The following EDIL3 variants were observed in gnomAD, a reference collection of about 807,000 sequenced individuals.
EDIL3 encodes the protein EGF like and discoidin domains 3.
Under a neutral mutation model 67.4 loss-of-function variants are expected in EDIL3, and 37 were observed. That is an observed-to-expected ratio of 0.55 (90% confidence interval 0.42 to 0.72). The LOEUF (loss-of-function observed/expected upper bound fraction) is 0.72, where lower values mean the gene tolerates loss of function less well. Among genes scored for constraint, EDIL3 ranks in the 30% least tolerant of loss-of-function variants. EDIL3 has a pLI of 0.00. For missense variants in EDIL3, 527 were observed against 586.3 expected (o/e 0.90, Z 1.04); for synonymous variants, 195 against 196.3 (o/e 0.99, Z 0.05).
At chr5:84,106,460 C>G (rs1322864823) in intron 6 of EDIL3, among the ~76,000 whole-genome samples, 189 bp downstream of exon 6, 1 of 152,052 alleles carries the variant, frequency 6.6e-6, no homozygotes, top group Non-Finnish European at 1.5e-5. Context: ...CTTTAACTAA[C>G]TTCTTAATGG....
chr5:83,986,600 G>A (rs1436998205), intron 9 of EDIL3, among the ~76,000 whole-genome samples: 2 of 152,032 alleles, frequency 1.3e-5, no homozygotes, highest in Non-Finnish European at 2.9e-5. Context: ...TAGGCACTCG[G>A]GTTACTAAAA....
chr5:84,073,500 C>T (rs2112248664), intron 6 of EDIL3, among the ~76,000 whole-genome samples: 1 of 152,274 alleles, frequency 6.6e-6, no homozygotes, highest in Non-Finnish European at 1.5e-5. Flanking sequence ...TCGGCAAAGT[C>T]TCAGGATACA....
At chr5:84,279,805 T>C (rs1395225573) in intron 1 of EDIL3, among the ~76,000 whole-genome samples, 1 of 152,158 alleles carries the variant, frequency 6.6e-6, no homozygotes, top group Non-Finnish European at 1.5e-5. Flanking sequence ...CATTCCAAAA[T>C]TGTTTGATCA....
At chr5:83,953,812 C>G (rs976213690) in intron 10 of EDIL3, among the ~76,000 whole-genome samples, 1 of 151,748 alleles carries the variant, frequency 6.6e-6, no homozygotes, top group Admixed American at 6.6e-5. Flanking sequence ...AATGTGTTGC[C>G]TCTGTAATAA....
At chr5:83,967,123 C>A (rs917494413) in intron 9 of EDIL3, among the ~76,000 whole-genome samples, 2 of 152,008 alleles carry the variant, frequency 1.3e-5, no homozygotes, top group African/African-American at 2.4e-5. Context: ...GAGTTCAAGA[C>A]CAGCCTGGGC....
chr5:84,220,730 T>C (rs1451906885), intron 3 of EDIL3, among the ~76,000 whole-genome samples: 1 of 152,138 alleles, frequency 6.6e-6, no homozygotes, highest in African/African-American at 2.4e-5. Flanking sequence ...AATCTCATAC[T>C]CCATGGGACA....
At chr5:84,160,813 T>TCCTTTCCTTTC (rs1561449448) in intron 4 of EDIL3, among the ~76,000 whole-genome samples, 2 of 134,136 alleles carry the variant, frequency 1.5e-5, no homozygotes, top group East Asian at 2.0e-4. Flanking sequence ...TCCTTTCCTT[T>TCCTTTCCTTTC]CCTTTCCCTT....
intron 9 of EDIL3, among the ~76,000 whole-genome samples, chr5:83,974,331 G>A (rs910343675): frequency 1.3e-5 from 2 of 151,756 alleles, no homozygotes; most frequent in Admixed American, 6.6e-5. Flanking sequence ...AACGTTAGCA[G>A]TCGAAAAACA....
chr5:84,005,615 A>G (rs1745398723), intron 9 of EDIL3, among the ~76,000 whole-genome samples: 1 of 152,164 alleles, frequency 6.6e-6, no homozygotes, highest in African/African-American at 2.4e-5. Flanking sequence ...GGTTTGATAA[A>G]ATTCAGCATC....
chr5:84,024,600 C>A (rs933602118), intron 9 of EDIL3, among the ~76,000 whole-genome samples: 1 of 152,104 alleles, frequency 6.6e-6, no homozygotes, highest in African/African-American at 2.4e-5. Flanking sequence ...GGAGAAAGGG[C>A]ACTGACAAGG....
At chr5:84,211,436 C>A (rs542466117) in intron 3 of EDIL3, among the ~76,000 whole-genome samples, 7 of 152,232 alleles carry the variant, frequency 4.6e-5, no homozygotes, top group Admixed American at 2.0e-4. Flanking sequence ...GCCAAATAAA[C>A]CTCTTTATAA....
chr5:84,284,051 T>C (rs933077264), intron 1 of EDIL3, among the ~76,000 whole-genome samples: 1 of 152,030 alleles, frequency 6.6e-6, no homozygotes, highest in African/African-American at 2.4e-5. Context: ...CTCAACACCA[T>C]CATCGCACCT....
chr5:84,296,940 T>C (rs1473528990), intron 1 of EDIL3, among the ~76,000 whole-genome samples: 1 of 152,062 alleles, frequency 6.6e-6, no homozygotes, highest in Non-Finnish European at 1.5e-5. Context: ...CCCAGCACTT[T>C]GGGAGGCTGA....
At chr5:84,041,748 C>G (rs1165941374) in intron 9 of EDIL3, among the ~76,000 whole-genome samples, 1 of 150,656 alleles carries the variant, frequency 6.6e-6, no homozygotes, top group Non-Finnish European at 1.5e-5. Context: ...GTCTAAAGGA[C>G]TTTGGATTCA....
intron 1 of EDIL3, among the ~76,000 whole-genome samples, chr5:84,363,477 A>C (rs910825732): frequency 2.0e-5 from 3 of 152,086 alleles, no homozygotes; most frequent in Non-Finnish European, 2.9e-5. Flanking sequence ...TAATTCAAAA[A>C]TAAGTTATAG....
intron 1 of EDIL3, among the ~76,000 whole-genome samples, chr5:84,309,613 G>C (rs1439902558): frequency 6.6e-6 from 1 of 151,704 alleles, no homozygotes; most frequent in South Asian, 2.1e-4. Context: ...TTGTCCTTGC[G>C]ATAGTTTACT....
Position 84,247,611 on chromosome 5 carries a change from G to A in EDIL3, c.196+6473C>T, listed in dbSNP as rs557855432. ...GAACAGATTATTAGTGACAATATAG[G>A]AGGGTAACACATTTAATAGAATCTG... is the stretch of plus-strand genomic sequence containing the variant. On this transcript the variant is annotated intron_variant, in intron 2 of 10. Transcript: ENST00000296591. Among the ~76,000 whole-genome samples the A allele has an allele frequency of 4.6e-5, 7 of 152,212 alleles. No individual in the cohort carries two copies. The South Asian group carries it at 1.4e-3, about 32-fold the overall frequency.
intron 1 of EDIL3, among the ~76,000 whole-genome samples, chr5:84,374,664 T>G (rs1747929085): frequency 6.6e-6 from 1 of 152,102 alleles, no homozygotes; most frequent in South Asian, 2.1e-4. Context: ...GCAATCCCCA[T>G]GTGTTGAGGG....
intron 1 of EDIL3, among the ~76,000 whole-genome samples, chr5:84,340,561 TATATATATATGTTAGTCTAC>T (rs1747089251): frequency 1.4e-5 from 2 of 142,020 alleles, no homozygotes; most frequent in Non-Finnish European, 3.1e-5. Flanking sequence ...TATATATATA[TATATATATATGTTAGTCTAC>T]ATATATATAT....
Sources: gnomAD v4.1 joint callset for allele counts (sites outside exome capture counted in the v4.1 genomes callset) on GRCh38, gnomAD v4.1.1 for gene constraint, MANE v1.5 for transcripts, NCBI Gene and HGNC (gene_info 2026-07-23, HGNC 2026-07-21) for gene names.